The following MAPRE2 variants were observed in gnomAD, a reference collection of about 807,000 sequenced individuals.
MAPRE2 encodes microtubule-associated protein RP/EB family member 2.
Under a neutral mutation model 43.2 loss-of-function variants are expected in MAPRE2, and 13 were observed. That is an observed-to-expected ratio of 0.30 (90% CI 0.20 to 0.48). MAPRE2 has a LOEUF of 0.48. Ranked by LOEUF, MAPRE2 falls within the 20% of genes least tolerant of loss-of-function variation. The probability of loss-of-function intolerance (pLI) is 0.99; values close to 1 mark genes in which losing one functional copy is unlikely to be tolerated. For synonymous variants in MAPRE2, 135 were observed against 148.8 expected (o/e 0.91, Z 0.68); for missense variants, 161 against 400.2 (o/e 0.40, Z 5.10).
chr18:35,084,250 G>T (rs1317612735), intron 2 of MAPRE2, among the ~76,000 whole-genome samples: 1 of 151,956 alleles, frequency 6.6e-6, no homozygotes, highest in Non-Finnish European at 1.5e-5. Flanking sequence ...CTCCAGCCTG[G>T]GTGACAGAGT....
At chr18:35,058,645 TGCCA>T (rs1906364338) in intron 1 of MAPRE2, among the ~76,000 whole-genome samples, 1 of 152,230 alleles carries the variant, frequency 6.6e-6, no homozygotes, top group African/African-American at 2.4e-5. Context: ...CTGGCAGATT[TGCCA>T]GCCAAAAATT....
intron 5 of MAPRE2, among the ~76,000 whole-genome samples, chr18:35,128,589 C>G (rs748924866): frequency 3.9e-5 from 6 of 152,054 alleles, no homozygotes; most frequent in Non-Finnish European, 7.4e-5. Context: ...GGAGTATGTG[C>G]GTAGGTTGTA....
chr18:34,994,013 T>A (rs1223921629), intron 1 of MAPRE2, among the ~76,000 whole-genome samples: 2 of 137,666 alleles, frequency 1.5e-5, no homozygotes, highest in South Asian at 2.2e-4. Context: ...TTTTTTTTTT[T>A]ACTGAAACCA....
At chr18:34,985,284 T>A (rs374435164) in intron 1 of MAPRE2, among the ~76,000 whole-genome samples, 473 of 32,290 alleles carry the variant, frequency 0.015, 26 homozygotes, top group Middle Eastern at 0.038. Context: ...TATAATATAT[T>A]ATATATTATA....
chr18:34,987,584 T>C (rs1657503280), intron 1 of MAPRE2, among the ~76,000 whole-genome samples: 2 of 152,206 alleles, frequency 1.3e-5, no homozygotes, highest in Admixed American at 6.5e-5. Context: ...AATCATTGTA[T>C]TTCCATTTTA....
chr18:35,035,934 T>G (rs2097050318), intron 2 of MAPRE2, among the ~76,000 whole-genome samples: 1 of 142,282 alleles, frequency 7.0e-6, no homozygotes, highest in African/African-American at 2.6e-5. Flanking sequence ...TGTCTCCAAG[T>G]CAAACACACC....
At chr18:35,115,868 GA>G (rs1301899711) in intron 4 of MAPRE2, among the ~76,000 whole-genome samples, 3 of 152,110 alleles carry the variant, frequency 2.0e-5, no homozygotes, top group African/African-American at 7.2e-5. Flanking sequence ...ATTACTTCTA[GA>G]AAATGTTTCT....
At chr18:35,094,504 G>C (rs1009818286) in intron 2 of MAPRE2, among the ~76,000 whole-genome samples, 1 of 152,140 alleles carries the variant, frequency 6.6e-6, no homozygotes, top group African/African-American at 2.4e-5. Context: ...TATTAGGAAG[G>C]CAATAGATAG....
intron 2 of MAPRE2, among the ~76,000 whole-genome samples, chr18:35,010,571 A>G (rs1342622700): frequency 6.6e-6 from 1 of 152,176 alleles, no homozygotes; most frequent in Non-Finnish European, 1.5e-5. Context: ...TCTTCATGGG[A>G]TTCCTTTTGT....
intron 1 of MAPRE2, among the ~76,000 whole-genome samples, chr18:34,981,882 TA>T (rs1568959654): frequency 9.8e-5 from 14 of 142,330 alleles, no homozygotes; most frequent in African/African-American, 2.5e-4. Flanking sequence ...TTTTTATTTT[TA>T]TTTATTTTTT....
intron 2 of MAPRE2, among the ~76,000 whole-genome samples, chr18:35,076,734 T>C (rs1907375238): frequency 6.6e-6 from 1 of 152,196 alleles, no homozygotes; most frequent in Non-Finnish European, 1.5e-5. Flanking sequence ...GTGAGAATTG[T>C]TATTACTCTA....
intron 1 of MAPRE2, among the ~76,000 whole-genome samples, chr18:34,977,827 C>A (rs1225032982): frequency 2.0e-5 from 3 of 152,334 alleles, no homozygotes; most frequent in African/African-American, 4.8e-5. Flanking sequence ...TTCGGTCTAC[C>A]CTTAGAAGGG....
At chr18:35,068,763 A>T (rs1326260238) in intron 1 of MAPRE2, among the ~76,000 whole-genome samples, 1 of 152,234 alleles carries the variant, frequency 6.6e-6, no homozygotes, top group African/African-American at 2.4e-5. Flanking sequence ...GATCTAGGCA[A>T]ATATCAGAGC....
chr18:35,118,465 G>A (rs1473641444), intron 4 of MAPRE2, among the ~76,000 whole-genome samples: 2 of 152,138 alleles, frequency 1.3e-5, no homozygotes, highest in Admixed American at 1.3e-4. Context: ...TGGACATTTG[G>A]CGACTGTTCT....
chr18:35,013,940 A>G (rs1320919420), intron 2 of MAPRE2, among the ~76,000 whole-genome samples: 1 of 152,126 alleles, frequency 6.6e-6, no homozygotes, highest in Admixed American at 6.6e-5. Context: ...TTGATTTAAT[A>G]TCTTGACTAT....
At chr18:35,103,604 T>A (rs547773754) in intron 4 of MAPRE2, among the ~76,000 whole-genome samples, 1 of 152,284 alleles carries the variant, frequency 6.6e-6, no homozygotes, top group Admixed American at 6.5e-5. Context: ...CACATATTGA[T>A]GTAATGGAAG....
intron 2 of MAPRE2, among the ~76,000 whole-genome samples, chr18:35,009,991 T>C (rs2097033668): frequency 6.6e-6 from 1 of 152,186 alleles, no homozygotes; most frequent in South Asian, 2.1e-4. Context: ...TAGTAAGAAT[T>C]AGGACTAGAT....
rs564777650 is a variant in MAPRE2 at position 35,020,410 on chromosome 18, C to T, written c.-8+14857C>T. 1.2e-3 allele frequency among the ~76,000 whole-genome samples: 181 copies of T among 152,132 alleles called. 2 individuals carry two copies. In the Middle Eastern group the frequency reaches 0.014, roughly 11 times the overall value. On this transcript the variant is annotated intron_variant, in intron 2 of 7. Transcript: ENST00000413393. ...TCATGGAATTCTTTAACTTTATTTT[C>T]GCCCTTGGTGAGTGCCATGTTCAAA...
chr18:35,016,168 A>G (rs770939050), intron 2 of MAPRE2, among the ~76,000 whole-genome samples: 3 of 151,900 alleles, frequency 2.0e-5, no homozygotes, highest in Non-Finnish European at 4.4e-5. Context: ...TATGGTATAT[A>G]TATATACCAC....
Sources: allele counts gnomAD v4.1 joint callset (sites outside exome capture counted in the v4.1 genomes callset), GRCh38; gene constraint gnomAD v4.1.1; transcripts MANE v1.5; gene names NCBI Gene and HGNC (gene_info 2026-07-23, HGNC 2026-07-21).